DLGAP2: variants seen among roughly 807,000 people sequenced by gnomAD.
DLGAP2 encodes disks large-associated protein 2.
A neutral mutation model predicts 100.3 loss-of-function variants in DLGAP2; 26 were observed. The observed-to-expected ratio is 0.26, with a 90% CI of 0.19 to 0.36. The LOEUF is 0.36. Ranked by LOEUF, DLGAP2 falls within the 10% of genes least tolerant of loss-of-function variation. DLGAP2 has a pLI of 1.00. For missense variants in DLGAP2, 1,858 were observed against 1,453.2 expected (o/e 1.28, Z -4.53); for synonymous variants, 886 against 630.1 (o/e 1.41, Z -6.08).
intron 2 of DLGAP2, among the ~76,000 whole-genome samples, chr8:993,625 T>C (rs943489428): frequency 6.6e-5 from 10 of 152,078 alleles, no homozygotes; most frequent in Non-Finnish European, 1.3e-4. Flanking sequence ...GTGTATCCTT[T>C]CTCCTGTATC....
chr8:1,100,964 C>G (rs958180792), intron 2 of DLGAP2, among the ~76,000 whole-genome samples: 2 of 152,232 alleles, frequency 1.3e-5, no homozygotes, highest in African/African-American at 2.4e-5. Flanking sequence ...AGTTACATTT[C>G]TTTTACCCGC....
At chr8:1,273,086 C>T (rs755830769) in intron 3 of DLGAP2, among the ~76,000 whole-genome samples, 4 of 152,126 alleles carry the variant, frequency 2.6e-5, no homozygotes, top group Non-Finnish European at 5.9e-5. Flanking sequence ...TGAATTTTTA[C>T]CTCAGGCCCA....
At chr8:1,445,088 T>G (rs1020408314) in intron 3 of DLGAP2, among the ~76,000 whole-genome samples, 58 of 151,678 alleles carry the variant, frequency 3.8e-4, no homozygotes, top group African/African-American at 1.2e-3. Context: ...CTTTTTTTTT[T>G]TTTTTAATTA....
Position 1,456,670 on chromosome 8 carries a change from G to A in DLGAP2, c.107-44696G>A, listed in dbSNP as rs372677283. Among the ~76,000 whole-genome samples the A allele has an allele frequency of 1.5e-4, 23 of 151,808 alleles. No homozygotes were observed. The East Asian group carries it at 3.1e-3, about 20-fold the overall frequency. The stretch of plus-strand genomic sequence containing the variant: ...ATCATTAGAAAAATAAAATGAGACC[G>A]ATTGTTGAAGAGTTGTCTAGGATCC... On this transcript the variant is annotated intron_variant, in intron 3 of 14. Coordinates refer to ENST00000637795, the MANE Select transcript of DLGAP2 (RefSeq NM_001346810.2).
chr8:940,581 AG>A (rs1423610466), intron 2 of DLGAP2, among the ~76,000 whole-genome samples: 1 of 152,094 alleles, frequency 6.6e-6, no homozygotes, highest in Non-Finnish European at 1.5e-5. Context: ...CTTTGAATTC[AG>A]GGCTCTGGCA....
chr8:1,059,807 AC>A (rs2129034835), intron 2 of DLGAP2, among the ~76,000 whole-genome samples: 1 of 152,290 alleles, frequency 6.6e-6, no homozygotes, highest in Non-Finnish European at 1.5e-5. Context: ...AGACAGAGAC[AC>A]GCCTCTTGGG....
At chr8:763,267 A>G (rs1246798472) in intron 1 of DLGAP2, among the ~76,000 whole-genome samples, 4 of 152,196 alleles carry the variant, frequency 2.6e-5, no homozygotes, top group Admixed American at 2.6e-4. Context: ...CTACTGCTGT[A>G]TTTATTGAGA....
intron 2 of DLGAP2, among the ~76,000 whole-genome samples, chr8:1,071,080 CCTCT>C (rs1803414596): frequency 6.6e-6 from 1 of 152,162 alleles, no homozygotes; most frequent in Admixed American, 6.5e-5. Flanking sequence ...GCGACCCGGG[CCTCT>C]CTCTCCTGGC....
In DLGAP2 at chr8:1,639,843, G is replaced by C. The variant is rs545198875; in HGVS notation, c.1810+6797G>C. 8.9e-4 allele frequency among the ~76,000 whole-genome samples: 135 copies of C among 152,308 alleles called. 1 individual carries two copies. Among genetic ancestry groups the C allele is most frequent in the African/African-American group, 3.2e-3 (131 of 41,570 alleles). ...GGGCCTCCATTGTCCAAGCCTCCTC[G>C]TCTGACTCTGACCCCCTCCCTTCCT... On this transcript the variant is annotated intron_variant, in intron 8 of 14. Coordinates refer to ENST00000637795, the MANE Select transcript of DLGAP2 (RefSeq NM_001346810.2).
chr8:1,446,777 G>T (rs1370138369), intron 3 of DLGAP2, among the ~76,000 whole-genome samples: 3 of 152,154 alleles, frequency 2.0e-5, no homozygotes, highest in African/African-American at 7.2e-5. Flanking sequence ...TTGAGCAGTG[G>T]TTTTTAGTTC....
intron 2 of DLGAP2, among the ~76,000 whole-genome samples, chr8:1,173,654 A>G (rs527381709): frequency 5.9e-5 from 9 of 152,312 alleles, no homozygotes; most frequent in Admixed American, 5.9e-4. Flanking sequence ...AGCAATCAGC[A>G]AGACGTTATG....
chr8:1,147,400 C>A (rs990423794), intron 2 of DLGAP2, among the ~76,000 whole-genome samples: 5 of 152,078 alleles, frequency 3.3e-5, no homozygotes, highest in African/African-American at 1.2e-4. Context: ...TCTATTTTTT[C>A]TGTAGACATT....
At chr8:1,380,572 C>G (rs189969333) in intron 3 of DLGAP2, among the ~76,000 whole-genome samples, 14 of 152,178 alleles carry the variant, frequency 9.2e-5, no homozygotes, top group Middle Eastern at 3.4e-3. Flanking sequence ...GGTTACAAAG[C>G]GACGTGAATT....
chr8:1,272,467 T>G (rs1799602083), intron 3 of DLGAP2, among the ~76,000 whole-genome samples: 1 of 151,810 alleles, frequency 6.6e-6, no homozygotes, highest in South Asian at 2.1e-4. Flanking sequence ...ATTTTATATA[T>G]AGAAAACATA....
chr8:1,304,729 A>G (rs1479608559), intron 3 of DLGAP2, among the ~76,000 whole-genome samples: 2 of 152,180 alleles, frequency 1.3e-5, no homozygotes, highest in South Asian at 4.1e-4. Context: ...AAGCAGGGTA[A>G]TTTATCGAAA....
At chr8:1,134,717 G>C (rs959929994) in intron 2 of DLGAP2, among the ~76,000 whole-genome samples, 1 of 152,190 alleles carries the variant, frequency 6.6e-6, no homozygotes, top group Non-Finnish European at 1.5e-5. Context: ...GGCTGGGGAG[G>C]CCTCAGGAAA....
intron 2 of DLGAP2, among the ~76,000 whole-genome samples, chr8:921,992 A>G (rs1030241941): frequency 4.6e-5 from 7 of 152,214 alleles, no homozygotes; most frequent in African/African-American, 9.6e-5. Context: ...TGAAACGGCA[A>G]ATATCTGGGT....
chr8:976,709 A>T (rs147387153), intron 2 of DLGAP2, among the ~76,000 whole-genome samples: 6 of 152,326 alleles, frequency 3.9e-5, no homozygotes, highest in African/African-American at 1.4e-4. Context: ...TTTTTCAAAA[A>T]CGGTGCTGGA....
intron 2 of DLGAP2, among the ~76,000 whole-genome samples, chr8:949,239 G>A (rs1268145891): frequency 6.6e-6 from 1 of 152,232 alleles, no homozygotes; most frequent in African/African-American, 2.4e-5. Context: ...GGAAAGCCAA[G>A]TTGCCATTTG....
Sources: gnomAD v4.1 joint callset for allele counts (sites outside exome capture counted in the v4.1 genomes callset) on GRCh38, gnomAD v4.1.1 for gene constraint, MANE v1.5 for transcripts, NCBI Gene and HGNC (gene_info 2026-07-23, HGNC 2026-07-21) for gene names.